The following CEP152 variants were observed in gnomAD, a reference collection of about 807,000 sequenced individuals.
CEP152 encodes centrosomal protein 152, also known as centrosomal protein of 152 kDa.
Under a neutral mutation model 188.9 loss-of-function variants are expected in CEP152, and 132 were observed. That is an observed-to-expected ratio of 0.70 (90% CI 0.61 to 0.81). The LOEUF (loss-of-function observed/expected upper bound fraction) is 0.81, where lower values mean the gene tolerates loss of function less well. Ranked by LOEUF, CEP152 falls within the 30% of genes least tolerant of loss-of-function variation. The pLI is 0.00. For missense variants in CEP152, 1,914 were observed against 1,969.8 expected (o/e 0.97, Z 0.54); for synonymous variants, 649 against 666.6 (o/e 0.97, Z 0.41).
intron 2 of CEP152, among the ~76,000 whole-genome samples, chr15:48,802,341 A>T (rs1274837879): frequency 6.6e-6 from 1 of 152,200 alleles, no homozygotes; most frequent in African/African-American, 2.4e-5. Context: ...AATGCCCTCC[A>T]GTTAGTTAGG....
intron 19 of CEP152, 25 bp downstream of exon 19, chr15:48,760,110 A>T (rs1157283161): frequency 6.2e-7 from 1 of 1,613,704 alleles, no homozygotes; most frequent in Admixed American, 1.7e-5. Flanking sequence ...AGCCTCCTGA[A>T]GTGTCTTTGC....
At chr15:48,799,629 G>T (rs1224997493) in intron 2 of CEP152, among the ~76,000 whole-genome samples, 2 of 152,048 alleles carry the variant, frequency 1.3e-5, no homozygotes, top group African/African-American at 4.8e-5. Context: ...CACATGCAAG[G>T]TACTTGAAAA....
intron 1 of CEP152, among the ~76,000 whole-genome samples, chr15:48,808,307 A>C (rs1884237858): frequency 6.6e-6 from 1 of 151,886 alleles, no homozygotes; most frequent in Admixed American, 6.5e-5. Flanking sequence ...ATAAAGAAAA[A>C]TGTGATGGAA....
At chr15:48,772,742 A>G in intron 12 of CEP152, 51 bp from the exon 13 acceptor site, 1 of 1,500,888 alleles carries the variant, frequency 6.7e-7, no homozygotes, top group Non-Finnish European at 9.3e-7. Flanking sequence ...TAAATCAGAC[A>G]TGGTTATTCC....
chr15:48,785,744 A>G (rs551815857), intron 9 of CEP152, among the ~76,000 whole-genome samples: 14 of 152,288 alleles, frequency 9.2e-5, no homozygotes, highest in Admixed American at 5.9e-4. Context: ...TAAAGTTTTA[A>G]TACCAAAAAT....
rs375000974 is a variant in CEP152, at chr15:48,783,925, A to C, written c.1321+48T>G. 2.5e-6 allele frequency: 4 copies of C among 1,608,314 alleles called. No individual in the cohort carries two copies. In the African/African-American group the frequency reaches 5.4e-5, roughly 22 times the overall value. ...ATGGATCCTACTACATTCTTTCTGC[A>C]TATTGAACCAACCTTCTGGGGAGAC... On this transcript the variant is annotated intron_variant, in intron 10 of 26. Transcript: ENST00000380950.
At chr15:48,739,938 C>G (rs1372795983) in intron 26 of CEP152, among the ~76,000 whole-genome samples, 1 of 152,124 alleles carries the variant, frequency 6.6e-6, no homozygotes, top group East Asian at 1.9e-4. Flanking sequence ...ACCTAAGGTT[C>G]ACATCACCAT....
intron 17 of CEP152, among the ~76,000 whole-genome samples, chr15:48,765,423 G>GT (rs538116029): frequency 1.2e-3 from 177 of 149,958 alleles, no homozygotes; most frequent in Middle Eastern, 6.8e-3. Flanking sequence ...TCTAAGTTTG[G>GT]TTTTTTTTTG....
At chr15:48,794,646 G>A (rs1897181263) in intron 6 of CEP152, among the ~76,000 whole-genome samples, 1 of 152,178 alleles carries the variant, frequency 6.6e-6, no homozygotes, top group Admixed American at 6.5e-5. Context: ...AGTGCAGAGT[G>A]TTAAGAAAGG....
chr15:48,787,494 A>G (rs999749480), intron 9 of CEP152, among the ~76,000 whole-genome samples: 6 of 151,926 alleles, frequency 3.9e-5, no homozygotes, highest in African/African-American at 1.2e-4. Context: ...ACTCCTATAT[A>G]TCCTCCACAT....
chr15:48,793,374 T>C lies in CEP152; in HGVS notation c.779A>G (p.Asn260Ser), dbSNP rs1462115376. 6.2e-7 allele frequency: 1 copy of C among 1,614,072 alleles called. No homozygotes were observed. The highest frequency in any genetic ancestry group is 1.1e-5 in the South Asian group (1 of 91,082). Residue 260 changes from asparagine (N) to serine (S), a missense_variant, in exon 7 of 27, where the codon AAT becomes AGT. Coordinates refer to ENST00000380950, the MANE Select transcript of CEP152 (RefSeq NM_001194998.2). ...ATATCGAATTTGACGTTCACTTTCA[T>C]TTAACTTTTCAATTAAGTTCTCCAG... is the stretch of plus-strand genomic sequence containing the variant. ...RQLENLIEKL[N>S]ESERQIRYLN...
intron 2 of CEP152, among the ~76,000 whole-genome samples, chr15:48,732,217 T>G (rs1225411599): frequency 6.6e-6 from 1 of 152,218 alleles, no homozygotes; most frequent in Admixed American, 6.5e-5. Flanking sequence ...CAATCTGCTA[T>G]AAATACACAT....
At chr15:48,788,018 C>T (rs565768553) in intron 9 of CEP152, among the ~76,000 whole-genome samples, 1 of 152,254 alleles carries the variant, frequency 6.6e-6, no homozygotes, top group African/African-American at 2.4e-5. Flanking sequence ...ACTCTCTTCC[C>T]AAGAATCATT....
At chr15:48,759,092 A>T (rs930207051) in intron 19 of CEP152, among the ~76,000 whole-genome samples, 6 of 152,176 alleles carry the variant, frequency 3.9e-5, no homozygotes, top group African/African-American at 1.4e-4. Flanking sequence ...AATATAGATT[A>T]TAATTTATCA....
chr15:48,775,256 T>C (rs748017991), intron 12 of CEP152, among the ~76,000 whole-genome samples: 1 of 151,952 alleles, frequency 6.6e-6, no homozygotes, highest in Non-Finnish European at 1.5e-5. Flanking sequence ...GCTGACATTT[T>C]CACAAATTTG....
At chr15:48,797,265 A>C (rs1897355805) in intron 5 of CEP152, 36 bp downstream of exon 5, 1 of 1,607,594 alleles carries the variant, frequency 6.2e-7, no homozygotes, top group Non-Finnish European at 8.5e-7. Context: ...GCGTGTGCAC[A>C]CACACAAGTT....
intron 20 of CEP152, 88 bp from the exon 21 acceptor site, chr15:48,752,557 G>C: frequency 6.5e-7 from 1 of 1,526,952 alleles, no homozygotes; most frequent in Non-Finnish European, 8.7e-7. Context: ...AATACAAAGA[G>C]AAAACACTAC....
chr15:48,765,287 T>G (rs978209497), intron 17 of CEP152, among the ~76,000 whole-genome samples: 1 of 152,210 alleles, frequency 6.6e-6, no homozygotes, highest in Non-Finnish European at 1.5e-5. Context: ...GACAAAACTA[T>G]AAACGTGTTA....
intron 9 of CEP152, among the ~76,000 whole-genome samples, chr15:48,785,587 A>G (rs1896569412): frequency 6.6e-6 from 1 of 152,158 alleles, no homozygotes; most frequent in African/African-American, 2.4e-5. Context: ...CTAGCAAACA[A>G]AGTTAAAGAA....
Sources: gnomAD v4.1 joint callset for allele counts (sites outside exome capture counted in the v4.1 genomes callset) on GRCh38, gnomAD v4.1.1 for gene constraint, MANE v1.5 for transcripts, NCBI Gene and HGNC (gene_info 2026-07-23, HGNC 2026-07-21) for gene names.